Variants in PALM2AKAP2 observed in about 807,000 individuals in gnomAD.
PALM2AKAP2 encodes PALM2-AKAP2 fusion protein.
PALM2AKAP2 carries 37 observed loss-of-function variants against 71.5 expected under a neutral mutation model. The observed-to-expected ratio is 0.52, with a 90% CI of 0.40 to 0.68. PALM2AKAP2 has a LOEUF of 0.68. Ranked by LOEUF, PALM2AKAP2 falls within the 30% of genes least tolerant of loss-of-function variation. PALM2AKAP2 has a pLI of 0.00. For synonymous variants in PALM2AKAP2, 468 were observed against 478.8 expected (o/e 0.98, Z 0.29); for missense variants, 1,224 against 1,191.8 (o/e 1.03, Z -0.40).
At chr9:109,983,374 A>G (rs1832311601) in intron 6 of PALM2AKAP2, among the ~76,000 whole-genome samples, 1 of 151,374 alleles carries the variant, frequency 6.6e-6, no homozygotes, top group African/African-American at 2.4e-5. Context: ...CTCTCTCACC[A>G]TTTGTTCCAT....
chr9:110,005,895 A>G (rs1040840628), intron 6 of PALM2AKAP2, among the ~76,000 whole-genome samples: 12 of 152,120 alleles, frequency 7.9e-5, no homozygotes, highest in Admixed American at 6.5e-4. Flanking sequence ...TTAGGGTGGG[A>G]GTGACCCGAT....
intron 2 of PALM2AKAP2, among the ~76,000 whole-genome samples, chr9:110,147,450 C>G (rs532779313): frequency 6.6e-6 from 1 of 152,088 alleles, no homozygotes; most frequent in Non-Finnish European, 1.5e-5. Context: ...GAGACAGGGC[C>G]TGGTACATAA....
chr9:109,728,108 T>A (rs1209907828), intron 1 of PALM2AKAP2, among the ~76,000 whole-genome samples: 1 of 152,228 alleles, frequency 6.6e-6, no homozygotes. Context: ...GAAGCAAGGG[T>A]ATTCTAGGTG....
intron 7 of PALM2AKAP2, among the ~76,000 whole-genome samples, chr9:110,029,061 G>C (rs1833232658): frequency 6.6e-6 from 1 of 151,992 alleles, no homozygotes; most frequent in South Asian, 2.1e-4. Flanking sequence ...ACCTATCAAG[G>C]GACATCCCTT....
At chr9:109,811,757 G>C (rs1827732954) in intron 1 of PALM2AKAP2, among the ~76,000 whole-genome samples, 1 of 152,120 alleles carries the variant, frequency 6.6e-6, no homozygotes, top group Admixed American at 6.5e-5. Flanking sequence ...AATTATTTTA[G>C]AGACGGTGGC....
At chr9:109,887,398 C>G (rs1246727401) in intron 3 of PALM2AKAP2, among the ~76,000 whole-genome samples, 1 of 152,224 alleles carries the variant, frequency 6.6e-6, no homozygotes, top group Non-Finnish European at 1.5e-5. Flanking sequence ...GCCGGGGTCC[C>G]CACCCCACGT....
intron 7 of PALM2AKAP2, among the ~76,000 whole-genome samples, chr9:110,037,562 A>G (rs1588071645): frequency 6.6e-6 from 1 of 152,320 alleles, no homozygotes; most frequent in East Asian, 1.9e-4. Flanking sequence ...GCATCTAGAA[A>G]TTAACAAAAG....
rs34401582 is a variant in PALM2AKAP2, at chr9:109,854,763, C to CTTTTT, written c.46-12705_46-12701dup. Among the ~76,000 whole-genome samples the CTTTTT allele has an allele frequency of 8.4e-3, 557 of 66,180 alleles. 133 individuals are homozygous for CTTTTT. Among genetic ancestry groups the CTTTTT allele is most frequent in the African/African-American group, 0.032 (511 of 16,172 alleles). 43.4% of individuals were successfully genotyped at this position (66,180 alleles called of 152,430 possible). ...GTAGTCAGTTTTTAAAAGAATGTAT[C>CTTTTT]TTTTTTTTTTTTTTTTTTTTTTTTT... On this transcript the variant is annotated intron_variant, in intron 1 of 9. Coordinates refer to the PALM2AKAP2 transcript ENST00000302798.
chr9:110,119,890 C>T (rs1333463713), intron 1 of PALM2AKAP2, among the ~76,000 whole-genome samples: 2 of 152,036 alleles, frequency 1.3e-5, no homozygotes, highest in East Asian at 1.9e-4. Flanking sequence ...ATCATTTTAC[C>T]GTATGGCAAG....
chr9:109,764,569 C>T (rs1042521788), intron 1 of PALM2AKAP2, among the ~76,000 whole-genome samples: 1 of 152,198 alleles, frequency 6.6e-6, no homozygotes, highest in African/African-American at 2.4e-5. Context: ...GATTCTTGAG[C>T]TCACCCCTGT....
intron 1 of PALM2AKAP2, among the ~76,000 whole-genome samples, chr9:109,861,620 A>G (rs1829312173): frequency 6.6e-6 from 1 of 152,194 alleles, no homozygotes; most frequent in South Asian, 2.1e-4. Context: ...CTTGAGGCAC[A>G]CTGCCCCGAA....
In PALM2AKAP2 at chr9:109,862,081, A is replaced by G. The variant is rs932096043; in HGVS notation, c.46-5410A>G. Among the ~76,000 whole-genome samples the G allele has an allele frequency of 7.2e-5, 11 of 152,256 alleles. 1 individual carries two copies. The highest frequency in any genetic ancestry group is 2.4e-4 in the African/African-American group (10 of 41,546). On this transcript the variant is annotated intron_variant, in intron 1 of 9. Coordinates refer to the PALM2AKAP2 transcript ENST00000302798. ...GTTTGTTAGAGAGAGAAGATGTGTA[A>G]ATAGTTAAGTGTATAAAGTGCTACA...
At chr9:109,807,343 G>A (rs1460676330) in intron 1 of PALM2AKAP2, among the ~76,000 whole-genome samples, 2 of 152,188 alleles carry the variant, frequency 1.3e-5, no homozygotes, top group Non-Finnish European at 2.9e-5. Flanking sequence ...AGTGGTCAGT[G>A]TCTTAGCCTG....
At chr9:110,039,291 C>A (rs1438126863) in intron 7 of PALM2AKAP2, among the ~76,000 whole-genome samples, 1 of 152,152 alleles carries the variant, frequency 6.6e-6, no homozygotes, top group Non-Finnish European at 1.5e-5. Flanking sequence ...AATATACAAT[C>A]TATCCTCTTA....
At chr9:109,976,276 C>A (rs1297242274) in intron 6 of PALM2AKAP2, among the ~76,000 whole-genome samples, 2 of 152,226 alleles carry the variant, frequency 1.3e-5, no homozygotes, top group Non-Finnish European at 1.5e-5. Flanking sequence ...ACACATATTA[C>A]CTCACTTAAT....
chr9:109,980,016 C>T (rs1387182374), intron 6 of PALM2AKAP2, among the ~76,000 whole-genome samples: 3 of 152,106 alleles, frequency 2.0e-5, no homozygotes, highest in Non-Finnish European at 4.4e-5. Context: ...TCAGGATATT[C>T]CCAAAAGGGT....
intron 2 of PALM2AKAP2, among the ~76,000 whole-genome samples, chr9:109,869,139 G>A (rs374644461): frequency 2.6e-5 from 4 of 152,106 alleles, no homozygotes; most frequent in South Asian, 4.1e-4. Context: ...TAAGCTCAAC[G>A]TAGTTCTTTG....
intron 2 of PALM2AKAP2, among the ~76,000 whole-genome samples, chr9:109,867,817 G>A (rs985034775): frequency 2.1e-4 from 32 of 152,144 alleles, no homozygotes; most frequent in Non-Finnish European, 3.7e-4. Flanking sequence ...GGGTTTGTGC[G>A]TGTGAAGTGT....
intron 6 of PALM2AKAP2, among the ~76,000 whole-genome samples, chr9:109,953,429 T>C (rs1036370254): frequency 3.3e-5 from 5 of 152,196 alleles, no homozygotes; most frequent in Non-Finnish European, 5.9e-5. Context: ...GTAAGTACTT[T>C]GGCTAATGTG....
Sources: allele counts gnomAD v4.1 joint callset (sites outside exome capture counted in the v4.1 genomes callset), GRCh38; gene constraint gnomAD v4.1.1; transcripts MANE v1.5; gene names NCBI Gene and HGNC (gene_info 2026-07-23, HGNC 2026-07-21).